NLGN1: variants seen among roughly 807,000 people sequenced by gnomAD.
The protein encoded by NLGN1 is neuroligin 1.
Under a neutral mutation model 65.5 loss-of-function variants are expected in NLGN1, and 12 were observed. The ratio of observed to expected loss-of-function variants is 0.18; its 90% confidence interval spans 0.12 to 0.30. The LOEUF is 0.30. NLGN1 is among the 10% of genes least tolerant of loss of function. NLGN1 has a pLI of 1.00. For missense variants in NLGN1, 750 were observed against 1,007.1 expected (o/e 0.74, Z 3.46); for synonymous variants, 350 against 359.5 (o/e 0.97, Z 0.30).
chr3:174,069,477 A>G (rs551840226), intron 4 of NLGN1, among the ~76,000 whole-genome samples: 1 of 152,338 alleles, frequency 6.6e-6, no homozygotes, highest in South Asian at 2.1e-4. Flanking sequence ...TGATAAGGAA[A>G]GGAATGTCCT....
intron 4 of NLGN1, among the ~76,000 whole-genome samples, chr3:174,265,473 T>C (rs950119739): frequency 3.9e-5 from 6 of 152,058 alleles, no homozygotes; most frequent in African/African-American, 1.4e-4. Flanking sequence ...TTTCTTTGAC[T>C]CGGAAAGGGA....
At chr3:173,834,908 A>G (rs1173615526) in intron 4 of NLGN1, among the ~76,000 whole-genome samples, 1 of 152,240 alleles carries the variant, frequency 6.6e-6, no homozygotes, top group Non-Finnish European at 1.5e-5. Context: ...TGAACTTCAC[A>G]TAAGAAGAGG....
At chr3:173,518,508 TTATA>T (rs970562993) in intron 2 of NLGN1, among the ~76,000 whole-genome samples, 8 of 150,414 alleles carry the variant, frequency 5.3e-5, no homozygotes, top group Admixed American at 4.7e-4. Context: ...TATGCATGTA[TTATA>T]TATATATGAG....
intron 4 of NLGN1, among the ~76,000 whole-genome samples, chr3:174,113,334 C>A (rs1715657618): frequency 6.6e-6 from 1 of 151,852 alleles, no homozygotes; most frequent in Non-Finnish European, 1.5e-5. Flanking sequence ...TGATTTTGAG[C>A]TCTAAATGTT....
intron 4 of NLGN1, among the ~76,000 whole-genome samples, chr3:173,884,002 C>T (rs1450858413): frequency 4.0e-5 from 6 of 151,440 alleles, no homozygotes; most frequent in Non-Finnish European, 8.8e-5. Context: ...CCTTTGAATA[C>T]GTATTTACCT....
At chr3:173,437,996 A>G (rs1332360101) in intron 2 of NLGN1, among the ~76,000 whole-genome samples, 4 of 151,304 alleles carry the variant, frequency 2.6e-5, no homozygotes, top group African/African-American at 7.4e-5. Flanking sequence ...CCAAGTCCCC[A>G]ATGATTATAA....
At chr3:173,525,262 T>C (rs376172880) in intron 2 of NLGN1, among the ~76,000 whole-genome samples, 2 of 140,970 alleles carry the variant, frequency 1.4e-5, no homozygotes, top group African/African-American at 5.0e-5. Context: ...TTGTTGTTGT[T>C]GGAAGATGTT....
At chr3:174,232,017 T>C (rs1035228407) in intron 4 of NLGN1, among the ~76,000 whole-genome samples, 2 of 152,124 alleles carry the variant, frequency 1.3e-5, no homozygotes, top group Non-Finnish European at 2.9e-5. Context: ...GCCAAGAAAC[T>C]GTGGGAGCTT....
intron 3 of NLGN1, among the ~76,000 whole-genome samples, chr3:173,747,365 G>T (rs78169347): frequency 0.091 from 2,023 of 22,126 alleles, 62 homozygotes; most frequent in African/African-American, 0.28. Context: ...TATACTTAAA[G>T]ATATATATAT....
At chr3:173,810,690 T>A (rs1470935323) in intron 4 of NLGN1, among the ~76,000 whole-genome samples, 1 of 152,222 alleles carries the variant, frequency 6.6e-6, no homozygotes, top group African/African-American at 2.4e-5. Flanking sequence ...AGAAAATTCG[T>A]ACAGCTATCT....
chr3:173,802,586 T>A (rs567936167), intron 3 of NLGN1, among the ~76,000 whole-genome samples: 91 of 152,322 alleles, frequency 6.0e-4, no homozygotes, highest in African/African-American at 1.2e-3. Context: ...TGACTGTGAA[T>A]AAAAATTGTG....
chr3:173,735,615 A>G (rs1455318310), intron 3 of NLGN1, among the ~76,000 whole-genome samples: 2 of 151,902 alleles, frequency 1.3e-5, no homozygotes, highest in Non-Finnish European at 2.9e-5. Context: ...TTCTGTCTCA[A>G]ATCTGCATAG....
At chr3:173,998,031 A>G (rs1178542807) in intron 4 of NLGN1, among the ~76,000 whole-genome samples, 1 of 152,156 alleles carries the variant, frequency 6.6e-6, no homozygotes, top group Non-Finnish European at 1.5e-5. Context: ...ACTTGAGATT[A>G]GCCAAGGAGA....
At chr3:173,597,076 G>A (rs1749607089) in intron 2 of NLGN1, among the ~76,000 whole-genome samples, 1 of 152,152 alleles carries the variant, frequency 6.6e-6, no homozygotes, top group Non-Finnish European at 1.5e-5. Flanking sequence ...AAGCAGATGA[G>A]CAGCCTTTTT....
chr3:173,519,005 A>G (rs969342976), intron 2 of NLGN1, among the ~76,000 whole-genome samples: 1 of 152,130 alleles, frequency 6.6e-6, no homozygotes, highest in Non-Finnish European at 1.5e-5. Flanking sequence ...CAGCCTCAGA[A>G]CACTGCTCCC....
Position 174,280,663 on chromosome 3 carries a change from C to G in NLGN1, c.1832C>G (p.Pro611Arg), listed in dbSNP as rs182280372. ...GTGAACCTCTGGTTGGAGTTGGTAC[C>G]TCATCTGCATAATCTCAATGACATT... The change falls in exon 7 of 7, where the codon CCT becomes CGT. Residue 611 changes from proline (P) to arginine (R), a missense_variant. Physicochemically the swap from Pro to Arg is moderately radical, Grantham distance 103. Transcript: ENST00000457714. The surrounding 1 kb of genome is among the most constrained non-coding windows in gnomAD (Gnocchi z 4.9). 2.0e-5 allele frequency: 32 copies of G among 1,613,240 alleles called. No homozygotes were observed. The highest frequency in any genetic ancestry group is 8.5e-6 in the Non-Finnish European group (10 of 1,179,508).
intron 4 of NLGN1, among the ~76,000 whole-genome samples, chr3:174,241,767 C>T (rs1742889464): frequency 6.6e-6 from 1 of 152,014 alleles, no homozygotes; most frequent in South Asian, 2.1e-4. Flanking sequence ...CATTCTCCTG[C>T]CTCAGGCTCC....
intron 4 of NLGN1, chr3:174,202,552 GTTATTT>G (rs1734681951): frequency 6.6e-6 from 1 of 151,888 alleles, no homozygotes. Context: ...TCTTTTTCTT[GTTATTT>G]TTAAGTTGTC....
At chr3:173,724,539 G>A in intron 3 of NLGN1, 1 of 156,938 alleles carries the variant, frequency 6.4e-6, no homozygotes, top group South Asian at 1.6e-4. Flanking sequence ...GCGTCCAAAA[G>A]CGCTGGGATT....
Sources: allele counts gnomAD v4.1 joint callset (sites outside exome capture counted in the v4.1 genomes callset), GRCh38; gene constraint gnomAD v4.1.1; non-coding constraint Gnocchi (gnomAD v3.1); transcripts MANE v1.5; gene names NCBI Gene and HGNC (gene_info 2026-07-23, HGNC 2026-07-21).